The following TCF12 variants were observed in gnomAD, a reference collection of about 807,000 sequenced individuals.
The protein encoded by TCF12 is transcription factor 12.
TCF12 carries 45 observed loss-of-function variants against 86.0 expected under a neutral mutation model. The observed-to-expected ratio is 0.52, with a 90% confidence interval of 0.41 to 0.67. TCF12 has a LOEUF of 0.67. TCF12 is among the 30% of genes least tolerant of loss of function. The pLI is 0.00. For missense variants in TCF12, 881 were observed against 859.9 expected, an observed-to-expected ratio of 1.02 and a Z score of -0.31; for synonymous variants, 330 against 299.6, an observed-to-expected ratio of 1.10 and a Z score of -1.05.
intron 18 of TCF12, among the ~76,000 whole-genome samples, chr15:57,269,411 A>G (rs2061025232): frequency 1.5e-5 from 1 of 66,660 alleles, no homozygotes; most frequent in South Asian, 5.0e-4. Context: ...TTTGTTTGGT[A>G]GATCTTCCTC....
rs1197421494 is a variant in TCF12, at chr15:57,287,165, G to GT, written c.*1021dup. ...ATACAGTACTTGTAAAGTGTTAGCTGTAAGTAAGCACAAAATACATTTAAA... is the reference window on the plus strand; with the variant it reads ...ATACAGTACTTGTAAAGTGTTAGCTGTTAAGTAAGCACAAAATACATTTAAA... On this transcript the variant is annotated 3_prime_UTR_variant, in exon 21 of 21. Transcript: ENST00000333725. 2.6e-5 allele frequency: 4 copies of GT among 153,778 alleles called. No individual in the cohort carries two copies. Among genetic ancestry groups the GT allele is most frequent in the African/African-American group, 9.7e-5 (4 of 41,426 alleles). 9.5% of individuals were successfully genotyped at this position (153,778 alleles called of 1,614,324 possible). A position where few individuals can be genotyped will look rare whatever the true frequency, so the allele number is the denominator to read the frequency against.
At chr15:57,031,681 C>T (rs1440592237) in intron 3 of TCF12, among the ~76,000 whole-genome samples, 1 of 152,150 alleles carries the variant, frequency 6.6e-6, no homozygotes, top group Non-Finnish European at 1.5e-5. Flanking sequence ...AGCAAACCTC[C>T]ATGATCCATT....
intron 18 of TCF12, 30 bp downstream of exon 18, chr15:57,263,304 T>C: frequency 6.3e-7 from 1 of 1,589,732 alleles, no homozygotes; most frequent in Non-Finnish European, 8.5e-7. Context: ...TTTTAAATTT[T>C]ATTCATTTTC....
intron 3 of TCF12, among the ~76,000 whole-genome samples, chr15:56,938,350 G>A (rs1354157576): frequency 1.3e-5 from 2 of 151,726 alleles, no homozygotes; most frequent in African/African-American, 2.4e-5. Flanking sequence ...TCATAGAGAC[G>A]GGGTTTCACC....
intron 3 of TCF12, among the ~76,000 whole-genome samples, chr15:56,931,110 G>C (rs1309868361): frequency 6.6e-6 from 1 of 151,836 alleles, no homozygotes; most frequent in Non-Finnish European, 1.5e-5. Context: ...TCAACTCACA[G>C]TAAGAACTTT....
At chr15:57,228,193 A>G (rs917663824) in intron 8 of TCF12, among the ~76,000 whole-genome samples, 5 of 152,106 alleles carry the variant, frequency 3.3e-5, no homozygotes, top group Non-Finnish European at 1.5e-5. Flanking sequence ...CTTTGCCGCA[A>G]GAAGTCTTTG....
At chr15:57,107,290 T>C (rs1186836763) in intron 5 of TCF12, among the ~76,000 whole-genome samples, 3 of 152,198 alleles carry the variant, frequency 2.0e-5, no homozygotes, top group Non-Finnish European at 4.4e-5. Context: ...TGCAGATTAC[T>C]ATGTGTAAGT....
At chr15:57,047,228 A>G (rs1394381773) in intron 3 of TCF12, among the ~76,000 whole-genome samples, 1 of 152,238 alleles carries the variant, frequency 6.6e-6, no homozygotes, top group Non-Finnish European at 1.5e-5. Flanking sequence ...AATACTTAGA[A>G]TATTTAAAAT....
intron 3 of TCF12, among the ~76,000 whole-genome samples, chr15:56,948,353 A>G (rs755168941): frequency 2.0e-5 from 3 of 152,220 alleles, no homozygotes; most frequent in African/African-American, 7.2e-5. Flanking sequence ...AAAAGCCTGC[A>G]TAAGGTTGCT....
At chr15:56,943,395 T>C (rs1176508107) in intron 3 of TCF12, among the ~76,000 whole-genome samples, 3 of 152,214 alleles carry the variant, frequency 2.0e-5, no homozygotes, top group Non-Finnish European at 2.9e-5. Context: ...TTTACCAACT[T>C]ATATAATTAT....
chr15:57,121,792 A>G (rs1567464640), intron 5 of TCF12, among the ~76,000 whole-genome samples: 1 of 152,218 alleles, frequency 6.6e-6, no homozygotes, highest in South Asian at 2.1e-4. Context: ...TTGTTACAGC[A>G]GCACAAATGG....
chr15:57,109,804 A>G (rs1287492631), intron 5 of TCF12, among the ~76,000 whole-genome samples: 1 of 152,218 alleles, frequency 6.6e-6, no homozygotes, highest in African/African-American at 2.4e-5. Context: ...AATCATTTAT[A>G]TATTACCATA....
At chr15:57,162,851 T>A (rs1177114434) in intron 5 of TCF12, among the ~76,000 whole-genome samples, 1 of 152,158 alleles carries the variant, frequency 6.6e-6, no homozygotes, top group Non-Finnish European at 1.5e-5. Flanking sequence ...AAAGAGTTCT[T>A]ACTAGGACAT....
chr15:57,104,718 G>T (rs1345385695), intron 5 of TCF12, among the ~76,000 whole-genome samples: 4 of 151,820 alleles, frequency 2.6e-5, no homozygotes, highest in African/African-American at 4.8e-5. Flanking sequence ...TTACAGGCAT[G>T]ACCCACTGTG....
At chr15:57,198,633 G>A (rs1252575232) in intron 8 of TCF12, among the ~76,000 whole-genome samples, 1 of 152,166 alleles carries the variant, frequency 6.6e-6, no homozygotes, top group South Asian at 2.1e-4. Context: ...GCAAAAAACG[G>A]AAGTTTTTTT....
In TCF12 at chr15:57,107,673, C is replaced by T. The variant is rs117153477; in HGVS notation, c.325+15782C>T. Among the ~76,000 whole-genome samples the T allele has an allele frequency of 6.3e-3, 951 of 152,124 alleles. 23 individuals are homozygous for T. In the East Asian group the frequency reaches 0.074, roughly 12 times the overall value. ...GGCCAGGGCAGGAGGATCACTTGAG[C>T]TCAGAGTTCAAGACCAGCCTGGGTA... On this transcript the variant is annotated intron_variant, in intron 5 of 20. Coordinates refer to ENST00000333725, the MANE Select transcript of TCF12 (RefSeq NM_207037.2).
chr15:57,184,979 ACTT>A (rs760834088), intron 6 of TCF12, among the ~76,000 whole-genome samples: 3 of 152,276 alleles, frequency 2.0e-5, no homozygotes, highest in South Asian at 2.1e-4. Flanking sequence ...AATGGAGACT[ACTT>A]CTCCTTTAGG....
intron 19 of TCF12, among the ~76,000 whole-genome samples, chr15:57,277,433 A>G (rs1329457407): frequency 6.6e-6 from 1 of 151,794 alleles, no homozygotes; most frequent in Non-Finnish European, 1.5e-5. Flanking sequence ...GATCGAGACC[A>G]TCCTTGGCAA....
intron 8 of TCF12, among the ~76,000 whole-genome samples, chr15:57,223,733 A>G (rs1469298167): frequency 2.0e-5 from 3 of 146,686 alleles, no homozygotes; most frequent in African/African-American, 7.4e-5. Context: ...TATTTTTAAA[A>G]CAAACATTTT....
Sources: gnomAD v4.1 joint callset for allele counts (sites outside exome capture counted in the v4.1 genomes callset) on GRCh38, gnomAD v4.1.1 for gene constraint, MANE v1.5 for transcripts, NCBI Gene and HGNC (gene_info 2026-07-23, HGNC 2026-07-21) for gene names.